The following CCDC171 variants were observed in gnomAD, a reference collection of about 807,000 sequenced individuals.
The protein encoded by CCDC171 is coiled-coil domain containing 171.
CCDC171 carries 177 observed loss-of-function variants against 168.2 expected under a neutral mutation model. The observed-to-expected ratio is 1.05, with a 90% CI of 0.93 to 1.19. The LOEUF is 1.19. CCDC171 is among the 50% of genes most tolerant of loss of function. The pLI, the probability that CCDC171 is intolerant of heterozygous loss-of-function variation, is 0.00. For missense variants in CCDC171, 1,991 were observed against 1,539.0 expected (o/e 1.29, Z -4.91); for synonymous variants, 687 against 540.8 (o/e 1.27, Z -3.75).
At chr9:15,731,799 T>C (rs1462710469) in intron 16 of CCDC171, among the ~76,000 whole-genome samples, 1 of 152,082 alleles carries the variant, frequency 6.6e-6, no homozygotes, top group Non-Finnish European at 1.5e-5. Context: ...GTGTCATTTT[T>C]TATTCCCACC....
At chr9:16,082,451 G>A in the CCDC171 span, among the ~76,000 whole-genome samples, 4 of 152,226 alleles carry the variant, frequency 2.6e-5, no homozygotes, top group East Asian at 1.9e-4. Context: ...CTGGTAGCCC[G>A]GGGTTTCCTG....
At position 15,744,543 on chromosome 9, in the gene CCDC171, C is replaced by G. The variant is rs200484184; in HGVS notation, c.2320C>G (p.Gln774Glu). The change falls in exon 17 of 26, where the codon CAG becomes GAG. Residue 774 changes from glutamine (Q) to glutamate (E), a missense_variant. Gln to Glu is a conservative substitution (Grantham distance 29). Coordinates refer to ENST00000380701, the MANE Select transcript of CCDC171 (RefSeq NM_173550.4). ...CAAACTGGAAATTAGAACTCTAGCCCAGGCTTTGTCAACTGTAGAGGAAAA... is the reference window on the plus strand; with the variant it reads ...CAAACTGGAAATTAGAACTCTAGCCGAGGCTTTGTCAACTGTAGAGGAAAA... ...LFKLEIRTLA[Q>E]ALSTVEEKKQ... 1.4e-4 allele frequency: 218 copies of G among 1,614,178 alleles called. No individual in the cohort carries two copies. Among genetic ancestry groups the G allele is most frequent in the Middle Eastern group, 3.3e-4 (2 of 6,062 alleles).
chr9:15,570,405 T>A lies in CCDC171; in HGVS notation c.42-1219T>A, dbSNP rs574089617. On this transcript the variant is annotated intron_variant, in intron 2 of 25. Transcript: ENST00000380701. Reference sequence around the variant, plus strand: ...TGTTAGTTTTTTTTTTCCCCTCTTCTAAGTTGTCATCTTTCTGCATAGTCT... The same window carrying A: ...TGTTAGTTTTTTTTTTCCCCTCTTCAAAGTTGTCATCTTTCTGCATAGTCT... Among the ~76,000 whole-genome samples, 3 of 152,204 alleles carry A rather than the reference T, an allele frequency of 2.0e-5. No individual in the cohort carries two copies. In the South Asian group the frequency reaches 6.2e-4, roughly 32 times the overall value.
chr9:15,680,840 A>G (rs2133456171), intron 10 of CCDC171, among the ~76,000 whole-genome samples: 1 of 152,284 alleles, frequency 6.6e-6, no homozygotes, highest in South Asian at 2.1e-4. Context: ...TGCTTATTAG[A>G]TATTGTACTC....
At chr9:15,789,175 C>T (rs995900395) in intron 21 of CCDC171, among the ~76,000 whole-genome samples, 5 of 152,078 alleles carry the variant, frequency 3.3e-5, no homozygotes, top group African/African-American at 1.2e-4. Flanking sequence ...ACTTTTTGAG[C>T]ACTGACATGA....
chr9:15,820,403 C>T lies in CCDC171; in HGVS notation c.3268-26299C>T, dbSNP rs1356541580. ...TTCAAAAAATCAATGAATCCAGGAG[C>T]TGGTTTTTTGAAAAGATCAACAAAA... On this transcript the variant is annotated intron_variant, in intron 21 of 25. Coordinates refer to ENST00000380701, the MANE Select transcript of CCDC171 (RefSeq NM_173550.4). Among the ~76,000 whole-genome samples, 2 of 115,056 alleles carry T rather than the reference C, an allele frequency of 1.7e-5. 1 individual carries two copies. Among genetic ancestry groups the T allele is most frequent in the Non-Finnish European group, 3.9e-5 (2 of 51,848 alleles). The allele number at this position is 115,056 out of a possible 152,430, so 75.5% of individuals were successfully genotyped here.
rs572144682 is a variant in CCDC171 at position 15,599,044 on chromosome 9, C to G, written c.675+4872C>G. 1.0e-3 allele frequency among the ~76,000 whole-genome samples: 159 copies of G among 152,246 alleles called. 1 individual carries two copies. The highest frequency in any genetic ancestry group is 9.7e-3 in the South Asian group (47 of 4,828). On this transcript the variant is annotated intron_variant, in intron 6 of 25. Transcript: ENST00000380701. Reference sequence around the variant, plus strand: ...CTTTATTTTGAGCCTATGTGTGTCTCTGCATGTGAGATGGGTCTCCTGAAT... The same window carrying G: ...CTTTATTTTGAGCCTATGTGTGTCTGTGCATGTGAGATGGGTCTCCTGAAT...
At chr9:15,929,885 C>T (rs994942328) in intron 25 of CCDC171, among the ~76,000 whole-genome samples, 10 of 151,436 alleles carry the variant, frequency 6.6e-5, no homozygotes, top group Admixed American at 5.3e-4. Context: ...GAGTTTTTTA[C>T]CATTGACATT....
intron 6 of CCDC171, among the ~76,000 whole-genome samples, chr9:15,599,518 G>T (rs570391583): frequency 1.2e-4 from 18 of 152,256 alleles, no homozygotes; most frequent in African/African-American, 4.3e-4. Context: ...CGAGAGATCC[G>T]CTGTTAGTCT....
intron 7 of CCDC171, among the ~76,000 whole-genome samples, chr9:15,643,704 A>G (rs1166285328): frequency 6.6e-6 from 1 of 152,180 alleles, no homozygotes; most frequent in Non-Finnish European, 1.5e-5. Context: ...TTTCATATAC[A>G]TTAGCAGCTA....
At chr9:15,568,389 G>C (rs1011208254) in intron 2 of CCDC171, among the ~76,000 whole-genome samples, 2 of 151,380 alleles carry the variant, frequency 1.3e-5, no homozygotes, top group Admixed American at 6.6e-5. Context: ...TCCTGCCTCA[G>C]CCTCCGGAGT....
At chr9:16,018,131 G>T (rs1335010267) in intron 3 of CCDC171, among the ~76,000 whole-genome samples, 6 of 152,166 alleles carry the variant, frequency 3.9e-5, no homozygotes, top group African/African-American at 1.4e-4. Flanking sequence ...TAGAATAGAT[G>T]TTAGGTGCTA....
intron 24 of CCDC171, among the ~76,000 whole-genome samples, chr9:15,887,435 G>T (rs1332343225): frequency 3.3e-5 from 5 of 152,080 alleles, no homozygotes; most frequent in Admixed American, 2.0e-4. Context: ...GGAGGCATAA[G>T]TTTTTGAGGG....
chr9:15,885,909 T>C (rs962522346), intron 24 of CCDC171: 11 of 152,186 alleles, frequency 7.2e-5, no homozygotes, highest in Non-Finnish European at 1.6e-4. Context: ...CAGACTGTTA[T>C]TACTCTCAAA....
intron 24 of CCDC171, among the ~76,000 whole-genome samples, chr9:15,909,806 A>T (rs1455194910): frequency 1.3e-5 from 2 of 152,238 alleles, no homozygotes; most frequent in East Asian, 3.9e-4. Flanking sequence ...ATGAAGACAC[A>T]TTTTTTTCTA....
intron 10 of CCDC171, among the ~76,000 whole-genome samples, chr9:15,692,288 A>G (rs1463505856): frequency 6.6e-6 from 1 of 151,714 alleles, no homozygotes; most frequent in African/African-American, 2.4e-5. Context: ...CATGAGAATC[A>G]CTTGAACCCA....
chr9:15,972,036 T>A lies in CCDC171; in HGVS notation c.*200T>A. Reference sequence around the variant, plus strand: ...AACTTTTTTCTCTCCAAGTTTTATTTGTTATCACAGTTGCTCATTTTTATG... The same window carrying A: ...AACTTTTTTCTCTCCAAGTTTTATTAGTTATCACAGTTGCTCATTTTTATG... On this transcript the variant is annotated 3_prime_UTR_variant, in exon 26 of 26. Transcript: ENST00000380701. 1.9e-6 allele frequency: 1 copy of A among 524,824 alleles called. No individual in the cohort carries two copies. Among genetic ancestry groups the A allele is most frequent in the Non-Finnish European group, 3.3e-6 (1 of 299,250 alleles). 32.5% of individuals were successfully genotyped at this position (524,824 alleles called of 1,614,324 possible). A position where few individuals can be genotyped will look rare whatever the true frequency, so the allele number is the denominator to read the frequency against.
At chr9:16,012,205 C>G (rs1047848876) in intron 3 of CCDC171, among the ~76,000 whole-genome samples, 9 of 152,124 alleles carry the variant, frequency 5.9e-5, no homozygotes, top group African/African-American at 2.2e-4. Context: ...TCCTCCTGTC[C>G]ACTTTGCTCC....
At chr9:15,561,636 A>T (rs1208888430) in intron 1 of CCDC171, among the ~76,000 whole-genome samples, 1 of 152,062 alleles carries the variant, frequency 6.6e-6, no homozygotes, top group African/African-American at 2.4e-5. Flanking sequence ...GTGGAAGAAG[A>T]GGGAGGAGAT....
Sources: allele counts gnomAD v4.1 joint callset (sites outside exome capture counted in the v4.1 genomes callset), GRCh38; gene constraint gnomAD v4.1.1; transcripts MANE v1.5; gene names NCBI Gene and HGNC (gene_info 2026-07-23, HGNC 2026-07-21).